The following SIK2 variants were observed in gnomAD, a reference collection of about 807,000 sequenced individuals.
SIK2 encodes salt inducible kinase 2, also known as serine/threonine-protein kinase SIK2.
SIK2 carries 29 observed loss-of-function variants against 103.2 expected under a neutral mutation model. That is an observed-to-expected ratio of 0.28 (90% CI 0.21 to 0.38). The LOEUF is 0.38. Ranked by LOEUF, SIK2 falls within the 10% of genes least tolerant of loss-of-function variation. The pLI, the probability that SIK2 is intolerant of heterozygous loss-of-function variation, is 1.00. For missense variants in SIK2, 879 were observed against 1,171.0 expected (o/e 0.75, Z 3.64); for synonymous variants, 412 against 446.1 (o/e 0.92, Z 0.96).
At chr11:111,702,597 C>T (rs1394698823) in intron 6 of SIK2, among the ~76,000 whole-genome samples, 2 of 152,148 alleles carry the variant, frequency 1.3e-5, no homozygotes, top group Non-Finnish European at 2.9e-5. Flanking sequence ...TAGGCATAAT[C>T]TGTGTAAAGC....
rs1261027329 is a variant in SIK2 at position 111,613,636 on chromosome 11, A to G, written c.136-2607A>G. Among the ~76,000 whole-genome samples, 3 of 152,214 alleles carry G rather than the reference A, an allele frequency of 2.0e-5. No homozygotes were observed. In the East Asian group the frequency reaches 5.8e-4, roughly 29 times the overall value. ...TGGTCCAATAATATTTCTAATAGCG[A>G]GTATATAATATTAATCGTTCTACTT... On this transcript the variant is annotated intron_variant, in intron 1 of 14. Transcript: ENST00000304987.
At chr11:111,696,663 GATTGTTTTCAT>G (rs1943077810) in intron 4 of SIK2, among the ~76,000 whole-genome samples, 1 of 152,204 alleles carries the variant, frequency 6.6e-6, no homozygotes, top group African/African-American at 2.4e-5. Flanking sequence ...ATGCCCAAGT[GATTGTTTTCAT>G]AATGTTTTCC....
intron 3 of SIK2, among the ~76,000 whole-genome samples, chr11:111,621,033 A>G (rs1433877592): frequency 6.6e-6 from 1 of 152,270 alleles, no homozygotes; most frequent in African/African-American, 2.4e-5. Flanking sequence ...CACTGTAGGT[A>G]TCTAAATCTT....
In SIK2 at chr11:111,705,432, C is replaced by T. The variant is rs1219175843; in HGVS notation, c.1101+293C>T. Among the ~76,000 whole-genome samples, 1 of 152,088 alleles carries T rather than the reference C, an allele frequency of 6.6e-6. No homozygotes were observed. The highest frequency in any genetic ancestry group is 1.9e-4 in the East Asian group (1 of 5,202). On this transcript the variant is annotated intron_variant, in intron 8 of 14. Transcript: ENST00000304987. This position sits in a 1 kb window ranked among gnomAD's most constrained non-coding sequence, Gnocchi z 4.3. Reference sequence around the variant, plus strand: ...TAACAAATTTTTATTACAGATTTACCACGTGCGAGCTTCTATTCTTAGGCA... The same window carrying T: ...TAACAAATTTTTATTACAGATTTACTACGTGCGAGCTTCTATTCTTAGGCA...
intron 4 of SIK2, among the ~76,000 whole-genome samples, chr11:111,694,214 A>G (rs571191748): frequency 6.6e-6 from 1 of 152,356 alleles, no homozygotes; most frequent in African/African-American, 2.4e-5. Flanking sequence ...TAATAGCCAT[A>G]TAACCCTCTC....
rs775312022 is a variant in SIK2, at chr11:111,724,130, T to C, written c.*1T>C. On this transcript the variant is annotated 3_prime_UTR_variant, in exon 15 of 15. Coordinates refer to ENST00000304987, the MANE Select transcript of SIK2 (RefSeq NM_015191.3). ...CAACGGGTATGTCCTGGTGAATTAGTCTCAGCACAGGAATTGAGGTGGGTC... is the reference window on the plus strand; with the variant it reads ...CAACGGGTATGTCCTGGTGAATTAGCCTCAGCACAGGAATTGAGGTGGGTC... 9 of 1,605,992 alleles carry C rather than the reference T, an allele frequency of 5.6e-6. No homozygotes were observed. Among genetic ancestry groups the C allele is most frequent in the Admixed American group, 3.3e-5 (2 of 59,924 alleles).
chr11:111,702,270 G>A (rs1283324916), intron 6 of SIK2, among the ~76,000 whole-genome samples: 18 of 152,220 alleles, frequency 1.2e-4, no homozygotes, highest in African/African-American at 3.1e-4. Context: ...CCTACCGCAC[G>A]GGTGTTGTAA....
chr11:111,668,090 C>T (rs1942571478), intron 3 of SIK2, among the ~76,000 whole-genome samples: 1 of 151,944 alleles, frequency 6.6e-6, no homozygotes, highest in South Asian at 2.1e-4. Flanking sequence ...AGCAGGAATT[C>T]TTACAGTGAG....
Position 111,727,231 on chromosome 11 carries a change from GTGGGAGAGCA to G in SIK2, c.*3104_*3113del. The G allele has an allele frequency of 1.6e-6, 1 of 626,728 alleles. No homozygotes were observed. The highest frequency in any genetic ancestry group is 2.8e-6 in the Non-Finnish European group (1 of 352,540). The allele number at this position is 626,728 out of a possible 1,614,324, so 38.8% of individuals were successfully genotyped here. ...CACCATCCACCTTGAGAATCCCTGC[GTGGGAGAGCA>G]TCAGGGCCCACCAGGGGAGTGGGGA... is the stretch of plus-strand genomic sequence containing the variant. On this transcript the variant is annotated 3_prime_UTR_variant, in exon 15 of 15. Coordinates refer to ENST00000304987, the MANE Select transcript of SIK2 (RefSeq NM_015191.3).
At position 111,688,709 on chromosome 11, in the gene SIK2, AAAAT is replaced by A. The variant is rs1942881908; in HGVS notation, c.478+548_478+551del. ...TTTCTCCTTGCCTTTTCACAGTTGT[AAAAT>A]GTTTTATTTTATATTCTCAGTCTCT... On this transcript the variant is annotated intron_variant, in intron 4 of 14. Transcript: ENST00000304987. The surrounding 1 kb of genome is among the most constrained non-coding windows in gnomAD (Gnocchi z 4.2). Among the ~76,000 whole-genome samples the A allele has an allele frequency of 6.6e-6, 1 of 152,208 alleles. No individual in the cohort carries two copies. The highest frequency in any genetic ancestry group is 6.5e-5 in the Admixed American group (1 of 15,284).
Position 111,723,643 on chromosome 11 carries a change from C to T in SIK2, c.2295C>T (p.Ala765=). Residue 765 remains alanine, a synonymous_variant, in exon 15 of 15, where the codon GCC becomes GCT. Coordinates refer to ENST00000304987, the MANE Select transcript of SIK2 (RefSeq NM_015191.3). ...RQETPPPSQQ[A]PPFSLTQPLS... ...AGACTCCACCGCCTTCTCAGCAGGC[C>T]CCACCGTTCAGCCTGACCCAGCCCC... The T allele has an allele frequency of 6.2e-7, 1 of 1,614,124 alleles. No individual in the cohort carries two copies. The highest frequency in any genetic ancestry group is 1.3e-5 in the African/African-American group (1 of 75,018).
intron 6 of SIK2, 73 bp from the exon 7 acceptor site, chr11:111,703,130 C>T: frequency 7.3e-7 from 1 of 1,379,130 alleles, no homozygotes; most frequent in Non-Finnish European, 1.0e-6. Context: ...TGTACAAAGT[C>T]ACATGAGTCA....
At position 111,701,080 on chromosome 11, in the gene SIK2, A is replaced by T. The variant is rs1056318472; in HGVS notation, c.603+70A>T. 16 of 1,558,774 alleles carry T rather than the reference A, an allele frequency of 1.0e-5. No homozygotes were observed. The highest frequency in any genetic ancestry group is 1.4e-5 in the Non-Finnish European group (16 of 1,147,936). ...AATACTTGGTGTTCTGGCCCATCTT[A>T]GAAGCTCCTGGTACTTAACACATAA... On this transcript the variant is annotated intron_variant, in intron 5 of 14. Transcript: ENST00000304987. This position sits in a 1 kb window ranked among gnomAD's most constrained non-coding sequence, Gnocchi z 4.2.
chr11:111,668,132 G>A (rs1942572095), intron 3 of SIK2, among the ~76,000 whole-genome samples: 1 of 151,780 alleles, frequency 6.6e-6, no homozygotes, highest in African/African-American at 2.4e-5. Context: ...GAATGGTAAG[G>A]GCTCTATGTA....
chr11:111,656,705 T>C (rs1235844930), intron 3 of SIK2, among the ~76,000 whole-genome samples: 1 of 152,244 alleles, frequency 6.6e-6, no homozygotes, highest in Non-Finnish European at 1.5e-5. Flanking sequence ...TTATTACTGG[T>C]GATTTTGGCA....
In SIK2 at chr11:111,726,901, T is replaced by C. The variant is rs1032240755; in HGVS notation, c.*2772T>C. 6.5e-7 allele frequency: 1 copy of C among 1,533,110 alleles called. No individual in the cohort carries two copies. Among genetic ancestry groups the C allele is most frequent in the Non-Finnish European group, 9.0e-7 (1 of 1,111,818 alleles). The allele number at this position is 1,533,110 out of a possible 1,614,324, so 95.0% of individuals were successfully genotyped here. A position where few individuals can be genotyped will look rare whatever the true frequency, so the allele number is the denominator to read the frequency against. On this transcript the variant is annotated 3_prime_UTR_variant, in exon 15 of 15. Transcript: ENST00000304987. ...AGATGAACGTGAGGTAAAAATTTCGTTCGGCAAAAAGTGCAATATGTGTGG... is the reference window on the plus strand; with the variant it reads ...AGATGAACGTGAGGTAAAAATTTCGCTCGGCAAAAAGTGCAATATGTGTGG...
chr11:111,727,140 C>G lies in SIK2; in HGVS notation c.*3011C>G. The G allele has an allele frequency of 8.3e-7, 1 of 1,198,852 alleles. No homozygotes were observed. Among genetic ancestry groups the G allele is most frequent in the Non-Finnish European group, 1.2e-6 (1 of 813,802 alleles). The allele number at this position is 1,198,852 out of a possible 1,614,324, so 74.3% of individuals were successfully genotyped here. On this transcript the variant is annotated 3_prime_UTR_variant, in exon 15 of 15. Transcript: ENST00000304987. ...CGGTGACACTGACCGTCCCCAGCTGCCCCCTCGCCACCTCTGCCTGCACTG... is the reference window on the plus strand; with the variant it reads ...CGGTGACACTGACCGTCCCCAGCTGGCCCCTCGCCACCTCTGCCTGCACTG...
At chr11:111,613,289 T>C (rs1161158367) in intron 1 of SIK2, among the ~76,000 whole-genome samples, 1 of 152,106 alleles carries the variant, frequency 6.6e-6, no homozygotes, top group Non-Finnish European at 1.5e-5. Context: ...CATGCTGGGT[T>C]TTTAAAAACC....
At chr11:111,611,871 A>G (rs1941731602) in intron 1 of SIK2, among the ~76,000 whole-genome samples, 2 of 152,220 alleles carry the variant, frequency 1.3e-5, no homozygotes, top group Non-Finnish European at 1.5e-5. Context: ...ATAGAGAGGA[A>G]GTTCCCAGAA....
Sources: allele counts gnomAD v4.1 joint callset (sites outside exome capture counted in the v4.1 genomes callset), GRCh38; gene constraint gnomAD v4.1.1; non-coding constraint Gnocchi (gnomAD v3.1); transcripts MANE v1.5; gene names NCBI Gene and HGNC (gene_info 2026-07-23, HGNC 2026-07-21).